The following PTH2R variants were observed in gnomAD, a reference collection of about 807,000 sequenced individuals.
PTH2R encodes parathyroid hormone 2 receptor.
Under a neutral mutation model 60.3 loss-of-function variants are expected in PTH2R, and 59 were observed. That is an observed-to-expected ratio of 0.98 (90% confidence interval 0.79 to 1.22). The LOEUF is 1.22. Among genes scored for constraint, PTH2R ranks in the 50% most tolerant of loss-of-function variants. The pLI is 0.00. For synonymous variants in PTH2R, 256 were observed against 243.8 expected (o/e 1.05, Z -0.47); for missense variants, 749 against 682.6 (o/e 1.10, Z -1.08).
intron 9 of PTH2R, among the ~76,000 whole-genome samples, chr2:208,465,519 CAG>C (rs1336118887): frequency 7.0e-6 from 1 of 143,406 alleles, no homozygotes; most frequent in African/African-American, 2.6e-5. Context: ...TCTCCTGTCT[CAG>C]ACTCCCGAGT....
intron 1 of PTH2R, among the ~76,000 whole-genome samples, chr2:208,374,446 CTTG>C (rs1315735711): frequency 6.6e-6 from 1 of 152,122 alleles, no homozygotes; most frequent in Non-Finnish European, 1.5e-5. Flanking sequence ...TGGTTTAGCA[CTTG>C]TTTGAAATCT....
chr2:208,390,192 C>T (rs1370602584), intron 1 of PTH2R, among the ~76,000 whole-genome samples: 1 of 152,142 alleles, frequency 6.6e-6, no homozygotes, highest in African/African-American at 2.4e-5. Context: ...GTGGTCCTTT[C>T]CCGCTACTTT....
rs1701430434 is a variant in PTH2R, at chr2:208,407,100, C to T, written c.57C>T (p.Cys19=). 3 of 1,393,180 alleles carry T rather than the reference C, an allele frequency of 2.2e-6. No individual in the cohort carries two copies. Among genetic ancestry groups the T allele is most frequent in the Non-Finnish European group, 2.8e-6 (3 of 1,066,424 alleles). The allele number at this position is 1,393,180 out of a possible 1,614,324, so 86.3% of individuals were successfully genotyped here. A position where few individuals can be genotyped will look rare whatever the true frequency, so the allele number is the denominator to read the frequency against. The change falls in exon 1 of 13, where the codon TGC becomes TGT. Residue 19 remains cysteine, a synonymous_variant. Coordinates refer to ENST00000272847, the MANE Select transcript of PTH2R (RefSeq NM_005048.4). ...GGGGTTGGCTAATGCTCGGCAGCTGCCTCCTGGCCAGAGCCCAGGTAAGAG... is the reference window on the plus strand; with the variant it reads ...GGGGTTGGCTAATGCTCGGCAGCTGTCTCCTGGCCAGAGCCCAGGTAAGAG... ...HVWGWLMLGS[C]LLARAQLDSD... is the part of the protein sequence containing the mutation.
intron 1 of PTH2R, among the ~76,000 whole-genome samples, chr2:208,390,654 C>T (rs770162230): frequency 1.3e-5 from 2 of 152,180 alleles, no homozygotes; most frequent in Non-Finnish European, 2.9e-5. Context: ...AATAATTAAG[C>T]AAAATGCTAC....
intron 1 of PTH2R, among the ~76,000 whole-genome samples, chr2:208,377,871 C>T (rs1250642954): frequency 2.6e-5 from 4 of 151,156 alleles, no homozygotes; most frequent in Admixed American, 6.6e-5. Flanking sequence ...CGGGAAGAGG[C>T]GCTCCTCACT....
At chr2:208,419,659 C>T (rs927878654) in intron 1 of PTH2R, among the ~76,000 whole-genome samples, 7 of 152,128 alleles carry the variant, frequency 4.6e-5, no homozygotes, top group African/African-American at 1.7e-4. Flanking sequence ...GGTTTTAGGT[C>T]TAACATTTAA....
intron 9 of PTH2R, among the ~76,000 whole-genome samples, chr2:208,467,660 T>C (rs1283144027): frequency 6.6e-6 from 1 of 152,208 alleles, no homozygotes; most frequent in African/African-American, 2.4e-5. Context: ...GTCATTTCTT[T>C]ATGTCAGGAG....
intron 9 of PTH2R, among the ~76,000 whole-genome samples, chr2:208,474,062 G>C (rs996671722): frequency 6.6e-6 from 1 of 152,116 alleles, no homozygotes; most frequent in Non-Finnish European, 1.5e-5. Context: ...TATAGGGTTG[G>C]TAGTTGTGTG....
chr2:208,413,172 G>C (rs535638480), intron 1 of PTH2R, among the ~76,000 whole-genome samples: 448 of 144,776 alleles, frequency 3.1e-3, no homozygotes, highest in African/African-American at 0.012. Flanking sequence ...CACACACACA[G>C]AATGTTTATA....
intron 1 of PTH2R, among the ~76,000 whole-genome samples, chr2:208,396,313 G>T (rs1701206369): frequency 6.6e-6 from 1 of 152,122 alleles, no homozygotes; most frequent in Non-Finnish European, 1.5e-5. Flanking sequence ...TGACAAATGG[G>T]ATCTAATTAA....
chr2:208,434,954 G>A (rs981020214), intron 2 of PTH2R, among the ~76,000 whole-genome samples: 24 of 152,288 alleles, frequency 1.6e-4, no homozygotes, highest in African/African-American at 5.8e-4. Context: ...TGTAAAGCTC[G>A]GGCTTTTATT....
chr2:208,469,042 G>A (rs1472099485), intron 9 of PTH2R, among the ~76,000 whole-genome samples: 1 of 152,106 alleles, frequency 6.6e-6, no homozygotes, highest in Non-Finnish European at 1.5e-5. Flanking sequence ...ATTTCTAGAG[G>A]AGAAAACTAC....
chr2:208,428,954 G>T (rs1359604522), intron 2 of PTH2R, among the ~76,000 whole-genome samples: 1 of 151,922 alleles, frequency 6.6e-6, no homozygotes, highest in Non-Finnish European at 1.5e-5. Context: ...GCGTGGTGGC[G>T]CATGCCTGTA....
At chr2:208,414,500 T>C (rs1701600458) in intron 1 of PTH2R, among the ~76,000 whole-genome samples, 1 of 152,132 alleles carries the variant, frequency 6.6e-6, no homozygotes, top group Non-Finnish European at 1.5e-5. Context: ...ATTGTACTAT[T>C]TCTTTTTCTG....
chr2:208,360,263 C>T (rs1334874058), intron 1 of PTH2R: 1 of 425,270 alleles, frequency 2.4e-6, no homozygotes, highest in African/African-American at 2.1e-5. Context: ...CACTTGTTCT[C>T]CCGCCTTCTG....
chr2:208,413,725 A>G lies in PTH2R; in HGVS notation c.75+6607A>G, dbSNP rs183472036. On this transcript the variant is annotated intron_variant, in intron 1 of 12. Coordinates refer to ENST00000272847, the MANE Select transcript of PTH2R (RefSeq NM_005048.4). ...ATTACCTAATTAGCCACCTTGAATA[A>G]TGTTACAACTAAAAGTGTAAGGGTT... is the stretch of plus-strand genomic sequence containing the variant. 1.4e-3 allele frequency among the ~76,000 whole-genome samples: 212 copies of G among 152,370 alleles called. 2 individuals are homozygous for G. Among genetic ancestry groups the G allele is most frequent in the East Asian group, 3.3e-3 (17 of 5,194 alleles).
intron 2 of PTH2R, among the ~76,000 whole-genome samples, chr2:208,433,313 A>G (rs1467761730): frequency 6.6e-6 from 1 of 152,220 alleles, no homozygotes; most frequent in Non-Finnish European, 1.5e-5. Context: ...ACTTTGGTTT[A>G]CCTTTCAATT....
intron 7 of PTH2R, among the ~76,000 whole-genome samples, chr2:208,447,762 G>A (rs1015053993): frequency 2.0e-5 from 3 of 151,924 alleles, no homozygotes; most frequent in African/African-American, 4.8e-5. Flanking sequence ...AAAACAAGAT[G>A]CATAGAGAAT....
chr2:208,430,277 C>A (rs566139561), intron 2 of PTH2R, among the ~76,000 whole-genome samples: 4 of 151,768 alleles, frequency 2.6e-5, no homozygotes, highest in Non-Finnish European at 5.9e-5. Context: ...TATAATTTTT[C>A]TTCTTTGAAT....
Sources: allele counts gnomAD v4.1 joint callset (sites outside exome capture counted in the v4.1 genomes callset), GRCh38; gene constraint gnomAD v4.1.1; transcripts MANE v1.5; gene names NCBI Gene and HGNC (gene_info 2026-07-23, HGNC 2026-07-21).